The following CETP variants were observed in gnomAD, a reference collection of about 807,000 sequenced individuals.
The protein encoded by CETP is BPI fold containing family F.
CETP carries 56 observed loss-of-function variants against 66.5 expected under a neutral mutation model. The observed-to-expected ratio is 0.84, with a 90% CI of 0.68 to 1.05. CETP has a LOEUF of 1.05. CETP is among the 50% of genes least tolerant of loss of function. CETP has a pLI of 0.00. For synonymous variants in CETP, 251 were observed against 245.7 expected, an observed-to-expected ratio of 1.02 and a Z score of -0.20; for missense variants, 612 against 609.6, an observed-to-expected ratio of 1.00 and a Z score of -0.04.
Position 56,969,642 on chromosome 16 carries a change from A to G in CETP, c.400A>G (p.Ile134Val). 6.2e-7 allele frequency: 1 copy of G among 1,613,794 alleles called. No homozygotes were observed. Among genetic ancestry groups the G allele is most frequent in the Middle Eastern group, 1.6e-4 (1 of 6,062 alleles). Residue 134 changes from isoleucine to valine, a missense_variant, in exon 4 of 16, where the codon ATC becomes GTC. By Grantham distance (29) the Ile-to-Val change is conservative (BLOSUM62 3). Transcript: ENST00000200676. The part of the protein sequence containing the change: ...LGIDQSIDFE[I>V]DSAIDLQINT... ...TATTGATCAGTCCATTGACTTCGAG[A>G]TCGACTCTGCCATTGACCTCCAGAT...
intron 2 of CETP, among the ~76,000 whole-genome samples, chr16:56,967,279 G>A (rs1018080809): frequency 5.9e-5 from 9 of 152,022 alleles, no homozygotes; most frequent in Non-Finnish European, 1.3e-4. Context: ...CCAGGAGGTG[G>A]AGACTGCAGT....
rs2056106128 is a variant in CETP at position 56,971,051 on chromosome 16, G to A, written c.546G>A (p.Gln182=). 1 of 1,614,042 alleles carries A rather than the reference G, an allele frequency of 6.2e-7. No homozygotes were observed. The highest frequency in any genetic ancestry group is 1.7e-5 in the Admixed American group (1 of 60,012). ...CCTTCAGGCCTGGGTGGATCAAGCAGCTGTTCACAAATTTCATCTCCTTCA... is the reference window on the plus strand; with the variant it reads ...CCTTCAGGCCTGGGTGGATCAAGCAACTGTTCACAAATTTCATCTCCTTCA... The part of the protein sequence containing the change: ...QGEREPGWIK[Q]LFTNFISFTL... The change falls in exon 6 of 16, where the codon CAG becomes CAA. Residue 182 remains glutamine (Q), a synonymous_variant. Coordinates refer to ENST00000200676, the MANE Select transcript of CETP (RefSeq NM_000078.3).
At chr16:56,978,070 T>C (rs1160382054) in intron 10 of CETP, 21 bp from the exon 11 acceptor site, 1 of 1,613,320 alleles carries the variant, frequency 6.2e-7, no homozygotes. Flanking sequence ...GTCCTGGCCA[T>C]GGGACCCCTG....
In CETP at chr16:56,983,314, C is replaced by G; in HGVS notation, c.1322-12C>G. On this transcript the variant is annotated splice_polypyrimidine_tract_variant and intron_variant, in intron 14 of 15. Coordinates refer to ENST00000200676, the MANE Select transcript of CETP (RefSeq NM_000078.3). Reference sequence around the variant, plus strand: ...CAAGAAGGGCTGACTGGGGCTCTGTCCCCTGCCCCAGGGCTCGAGGTAGTG... The same window carrying G: ...CAAGAAGGGCTGACTGGGGCTCTGTGCCCTGCCCCAGGGCTCGAGGTAGTG... The G allele has an allele frequency of 6.2e-7, 1 of 1,612,904 alleles. No individual in the cohort carries two copies. Among genetic ancestry groups the G allele is most frequent in the African/African-American group, 1.3e-5 (1 of 75,032 alleles).
At chr16:56,978,912 G>T (rs1405444641) in intron 11 of CETP, among the ~76,000 whole-genome samples, 2 of 152,060 alleles carry the variant, frequency 1.3e-5, no homozygotes, top group African/African-American at 4.8e-5. Flanking sequence ...TACAACCTCT[G>T]CCTCCCAGGT....
At chr16:56,976,389 T>G (rs1041961287) in intron 10 of CETP, among the ~76,000 whole-genome samples, 4 of 152,224 alleles carry the variant, frequency 2.6e-5, no homozygotes, top group Non-Finnish European at 5.9e-5. Context: ...TTCATCTAGT[T>G]GTTTCCCACC....
In CETP at chr16:56,969,374, A is replaced by T. The variant is rs2056091055; in HGVS notation, c.234-12A>T. ...ACCCCCAACATCCTTCCTCACTTCC[A>T]TTCCTTCCCAGCATCCAGATCAGCC... On this transcript the variant is annotated splice_polypyrimidine_tract_variant and intron_variant, in intron 2 of 15. Transcript: ENST00000200676. The T allele has an allele frequency of 6.2e-7, 1 of 1,613,446 alleles. No homozygotes were observed. Among genetic ancestry groups the T allele is most frequent in the Non-Finnish European group, 8.5e-7 (1 of 1,180,000 alleles).
rs7205804 is a variant in CETP, at chr16:56,970,977, G to A, written c.528-56G>A. 642,201 of 1,533,662 alleles carry A rather than the reference G, an allele frequency of 0.42. 138,397 individuals carry two copies. The highest frequency in any genetic ancestry group is 0.49 in the South Asian group (44,023 of 89,368). On this transcript the variant is annotated intron_variant, in intron 5 of 15. Transcript: ENST00000200676. Reference sequence around the variant, plus strand: ...GAACGGTGCCTGGTACACACTAGGCGCTCCATGGATGCACAGGACTGGTCA... The same window carrying A: ...GAACGGTGCCTGGTACACACTAGGCACTCCATGGATGCACAGGACTGGTCA...
Position 56,978,246 on chromosome 16 carries a change from A to G in CETP, c.1137A>G (p.Thr379=), listed in dbSNP as rs1344566411. The G allele has an allele frequency of 1.2e-6, 2 of 1,613,996 alleles. No individual in the cohort carries two copies. The highest frequency in any genetic ancestry group is 2.2e-5 in the South Asian group (2 of 91,078). Residue 379 remains threonine, a synonymous_variant, in exon 11 of 16, where the codon ACA becomes ACG. Coordinates refer to ENST00000200676, the MANE Select transcript of CETP (RefSeq NM_000078.3). ...RPDQQHSVAY[T]FEEDIVTTVQ... ...ACCAGCAACATTCTGTAGCTTACAC[A>G]TTTGAAGAGGTGAGGCGGGTGCAGG... is the stretch of plus-strand genomic sequence containing the variant.
At chr16:56,962,380 T>G (rs760193965) in intron 1 of CETP, 1 of 654,850 alleles carries the variant, frequency 1.5e-6, no homozygotes, top group Non-Finnish European at 2.9e-6. Flanking sequence ...GGGTTCGAGT[T>G]AGGGTTCAGA....
Position 56,969,513 on chromosome 16 carries a change from G to A in CETP, c.361G>A (p.Ala121Thr), listed in dbSNP as rs2056092714. The change falls in exon 3 of 16, where the codon GCC becomes ACC. Residue 121 changes from alanine (A) to threonine (T), a missense_variant. Coordinates refer to ENST00000200676, the MANE Select transcript of CETP (RefSeq NM_000078.3). ...GACCCTGAAGTATGGCTACACCACT[G>A]CCTGGTGGTAAGCATTCCTGTCAGC... ...KGTLKYGYTTAWWLGIDQSID... is the reference protein window; with the variant it reads ...KGTLKYGYTTTWWLGIDQSID... 2.5e-6 allele frequency: 4 copies of A among 1,614,200 alleles called. No homozygotes were observed. The highest frequency in any genetic ancestry group is 2.2e-5 in the East Asian group (1 of 44,886).
Position 56,977,757 on chromosome 16 carries a change from C to T in CETP, c.982-334C>T, listed in dbSNP as rs758665640. Reference sequence around the variant, plus strand: ...TCCACAGATTATCTCATTCCATCCTCAGGACAACCCTATGAGGTAGGATCT... The same window carrying T: ...TCCACAGATTATCTCATTCCATCCTTAGGACAACCCTATGAGGTAGGATCT... On this transcript the variant is annotated intron_variant, in intron 10 of 15. Transcript: ENST00000200676. Among the ~76,000 whole-genome samples, 296 of 152,306 alleles carry T rather than the reference C, an allele frequency of 1.9e-3. 2 individuals are homozygous for T. Among genetic ancestry groups the T allele is most frequent in the South Asian group, 3.9e-3 (19 of 4,828 alleles).
chr16:56,967,052 A>G (rs2056072348), intron 2 of CETP, among the ~76,000 whole-genome samples: 1 of 152,038 alleles, frequency 6.6e-6, no homozygotes, highest in Admixed American at 6.6e-5. Flanking sequence ...ACTCCACTCA[A>G]AAATTTGGTA....
intron 1 of CETP, chr16:56,962,341 T>C: frequency 5.6e-6 from 4 of 711,544 alleles, no homozygotes; most frequent in Non-Finnish European, 1.0e-5. Flanking sequence ...GTATAGGGAT[T>C]TGTGTTTGTC....
chr16:56,975,023 C>T, intron 9 of CETP, 78 bp from the exon 10 acceptor site: 1 of 1,315,244 alleles, frequency 7.6e-7, no homozygotes. Context: ...CTTGAAACTG[C>T]CCTTGGTCCC....
Position 56,972,098 on chromosome 16 carries a change from A to G in CETP, c.750+15A>G. On this transcript the variant is annotated intron_variant, in intron 8 of 15. Coordinates refer to ENST00000200676, the MANE Select transcript of CETP (RefSeq NM_000078.3). The stretch of plus-strand genomic sequence containing the variant: ...CCCATCACAAGGTAGGAGTTGTGGG[A>G]GGGTGGGGCAGGGCCCAGCTTCCCC... The G allele has an allele frequency of 6.3e-7, 1 of 1,593,608 alleles. No individual in the cohort carries two copies. The highest frequency in any genetic ancestry group is 1.3e-5 in the African/African-American group (1 of 74,604).
chr16:56,982,295 C>G, intron 14 of CETP, 58 bp downstream of exon 14: 2 of 1,505,042 alleles, frequency 1.3e-6, no homozygotes, highest in South Asian at 2.2e-5. Flanking sequence ...TCCCATTTCA[C>G]CTTGTGGGCC....
intron 7 of CETP, 45 bp downstream of exon 7, chr16:56,971,426 G>C (rs1463348366): frequency 6.4e-7 from 1 of 1,555,426 alleles, no homozygotes. Flanking sequence ...AGCAGTGGGA[G>C]CCAGAAAGCC....
chr16:56,981,663 G>A lies in CETP; in HGVS notation c.1231G>A (p.Val411Ile), dbSNP rs2056189436. 7 of 1,613,868 alleles carry A rather than the reference G, an allele frequency of 4.3e-6. No homozygotes were observed. In the African/African-American group the frequency reaches 9.3e-5, roughly 22 times the overall value. The change falls in exon 13 of 16, where the codon GTT becomes ATT. Residue 411 changes from valine to isoleucine, a missense_variant. By Grantham distance (29) the Val-to-Ile change is conservative (BLOSUM62 3). Coordinates refer to ENST00000200676, the MANE Select transcript of CETP (RefSeq NM_000078.3). ...LLDFQITPKT[V>I]SNLTESSSES... ...TTATTTCAGGATTACACCAAAGACT[G>A]TTTCCAACTTGACTGAGGTAGGTAG...
Sources: allele counts gnomAD v4.1 joint callset (sites outside exome capture counted in the v4.1 genomes callset), GRCh38; gene constraint gnomAD v4.1.1; transcripts MANE v1.5; gene names NCBI Gene and HGNC (gene_info 2026-07-23, HGNC 2026-07-21).